Variants in DCAF8L2 observed in about 807,000 individuals in gnomAD.
DCAF8L2 encodes DDB1 and CUL4 associated factor 8 like 2.
For synonymous variants in DCAF8L2, 200 were observed against 190.9 expected, an observed-to-expected ratio of 1.05 and a Z score of -0.39; for missense variants, 430 against 490.7, an observed-to-expected ratio of 0.88 and a Z score of 1.17.
the DCAF8L2 span, among the ~76,000 whole-genome samples, chrX:27,571,966 T>C: frequency 4.5e-5 from 5 of 111,843 alleles, no homozygotes; most frequent in African/African-American, 1.3e-4. Context: ...ATCAGTGCTA[T>C]GTAGAGGAGA....
chrX:27,514,918 G>A, the DCAF8L2 span, among the ~76,000 whole-genome samples: 1 of 110,883 alleles, frequency 9.0e-6, no homozygotes, highest in African/African-American at 3.3e-5. Context: ...GAAGAGGTTG[G>A]TCAGTGGGTA....
intron 2 of DCAF8L2, chrX:27,633,327 C>T (rs555375530): frequency 8.9e-6 from 1 of 112,111 alleles, no homozygotes; most frequent in Non-Finnish European, 1.9e-5. Flanking sequence ...TTAATACTTA[C>T]GGCACTTCAT....
the DCAF8L2 span, among the ~76,000 whole-genome samples, chrX:27,532,062 GATAT>G: frequency 1.9e-5 from 2 of 105,312 alleles, no homozygotes; most frequent in East Asian, 3.0e-4. Flanking sequence ...AATTGATATC[GATAT>G]ATATATATAT....
At chrX:27,573,931 G>A in the DCAF8L2 span, among the ~76,000 whole-genome samples, 1 of 110,153 alleles carries the variant, frequency 9.1e-6, no homozygotes, top group South Asian at 3.9e-4. Context: ...CTGAGTTTAA[G>A]TAATCTTCCT....
chrX:27,519,759 T>A, the DCAF8L2 span: 6 of 545,404 alleles, frequency 1.1e-5, no homozygotes, highest in African/African-American at 2.3e-5. Context: ...AAGCCAGAGA[T>A]GAAACCAATT....
chrX:27,515,539 C>G, the DCAF8L2 span, among the ~76,000 whole-genome samples: 1 of 111,659 alleles, frequency 9.0e-6, no homozygotes, highest in Non-Finnish European at 1.9e-5. Context: ...AAGCGAAACT[C>G]AGTCTCAAAG....
At chrX:27,656,608 TG>T (rs1929361996) in intron 2 of DCAF8L2, among the ~76,000 whole-genome samples, 1 of 111,974 alleles carries the variant, frequency 8.9e-6, no homozygotes, top group Non-Finnish European at 1.9e-5. Flanking sequence ...TTTCAGTCTG[TG>T]GGAGCTAGGG....
At chrX:27,568,000 G>A in the DCAF8L2 span, among the ~76,000 whole-genome samples, 1 of 110,469 alleles carries the variant, frequency 9.1e-6, no homozygotes, top group African/African-American at 3.3e-5. Context: ...AAAAAATCTG[G>A]CCTGTTTAGG....
At chrX:27,608,400 AAG>A (rs1020522721) in intron 1 of DCAF8L2, among the ~76,000 whole-genome samples, 4 of 112,231 alleles carry the variant, frequency 3.6e-5, no homozygotes, top group Admixed American at 2.8e-4. Flanking sequence ...AATAAAATAA[AAG>A]AAGTAATTTA....
chrX:27,681,543 A>G (rs1305296695), intron 3 of DCAF8L2, among the ~76,000 whole-genome samples: 1 of 111,945 alleles, frequency 8.9e-6, no homozygotes, highest in Non-Finnish European at 1.9e-5. Flanking sequence ...ATCTATTTCA[A>G]TCAGGTCAAT....
the DCAF8L2 span, among the ~76,000 whole-genome samples, chrX:27,539,145 C>T: frequency 1.8e-5 from 2 of 111,878 alleles, no homozygotes; most frequent in African/African-American, 6.5e-5. Flanking sequence ...CACCATGCCC[C>T]GCCAGCAGTG....
At chrX:27,546,499 A>C in the DCAF8L2 span, among the ~76,000 whole-genome samples, 1 of 111,884 alleles carries the variant, frequency 8.9e-6, no homozygotes, top group African/African-American at 3.3e-5. Context: ...GGGGGCTCTA[A>C]CCCTACATTT....
At chrX:27,499,681 C>T in the DCAF8L2 span, among the ~76,000 whole-genome samples, 2 of 110,599 alleles carry the variant, frequency 1.8e-5, no homozygotes, top group African/African-American at 6.6e-5. Context: ...AGAGAGAGAG[C>T]GAAGGGGGAA....
the DCAF8L2 span, among the ~76,000 whole-genome samples, chrX:27,572,277 C>T: frequency 1.8e-5 from 2 of 111,353 alleles, no homozygotes; most frequent in South Asian, 3.8e-4. Flanking sequence ...AAGTATTTTT[C>T]CAATAATTTT....
chrX:27,560,550 C>T, the DCAF8L2 span, among the ~76,000 whole-genome samples: 1 of 111,730 alleles, frequency 9.0e-6, no homozygotes, highest in Admixed American at 9.5e-5. Context: ...TACTATGCAG[C>T]TTACTTGTGG....
chrX:27,547,153 A>G, the DCAF8L2 span, among the ~76,000 whole-genome samples: 1 of 112,057 alleles, frequency 8.9e-6, no homozygotes, highest in South Asian at 3.7e-4. Context: ...CTTTGCTAAA[A>G]CACAGCAAGA....
chrX:27,728,719 A>G (rs1921017262), intron 4 of DCAF8L2, among the ~76,000 whole-genome samples: 1 of 112,054 alleles, frequency 8.9e-6, no homozygotes, highest in Admixed American at 9.5e-5. Context: ...GTATATCTCC[A>G]TGTGCCTTCC....
the DCAF8L2 span, among the ~76,000 whole-genome samples, chrX:27,580,755 T>C: frequency 3.6e-5 from 4 of 111,781 alleles, no homozygotes; most frequent in African/African-American, 9.7e-5. Context: ...AGAATAAATA[T>C]TAAAAAGAAA....
chrX:27,669,479 T>TA (rs56751063), intron 2 of DCAF8L2, among the ~76,000 whole-genome samples: 4 of 109,793 alleles, frequency 3.6e-5, no homozygotes, highest in Non-Finnish European at 7.6e-5. Context: ...TTTATTTATT[T>TA]TTTATTTTTA....
Sources: allele counts gnomAD v4.1 joint callset (sites outside exome capture counted in the v4.1 genomes callset), GRCh38; gene constraint gnomAD v4.1.1; transcripts MANE v1.5; gene names NCBI Gene and HGNC (gene_info 2026-07-23, HGNC 2026-07-21).